Variants in MYO15A observed in about 807,000 individuals in gnomAD.
The protein encoded by MYO15A is unconventional myosin-XV.
MYO15A carries 308 observed loss-of-function variants against 394.6 expected under a neutral mutation model. That is an observed-to-expected ratio of 0.78 (90% CI 0.71 to 0.86). MYO15A has a LOEUF of 0.86. Among genes scored for constraint, MYO15A ranks in the 40% least tolerant of loss-of-function variants. The pLI, the probability that MYO15A is intolerant of heterozygous loss-of-function variation, is 0.00. For synonymous variants in MYO15A, 1,957 were observed against 2,003.8 expected (o/e 0.98, Z 0.62); for missense variants, 4,606 against 4,799.1 (o/e 0.96, Z 1.19).
chr17:18,148,270 C>T lies in MYO15A; in HGVS notation c.6691+60C>T, dbSNP rs961331242. ...GGGAGTCAGCAGGGCCCAGTGAGCC[C>T]CGGGGATGGCAGAAGCCACTGGATG... On this transcript the variant is annotated intron_variant, in intron 31 of 65. Transcript: ENST00000647165. This position sits in a 1 kb window ranked among gnomAD's most constrained non-coding sequence, Gnocchi z 4.8. The T allele has an allele frequency of 2.5e-6, 4 of 1,601,314 alleles. No individual in the cohort carries two copies. The highest frequency in any genetic ancestry group is 2.7e-5 in the African/African-American group (2 of 74,534).
At chr17:18,164,968 C>A (rs1166809976) in intron 60 of MYO15A, 1 of 150,878 alleles carries the variant, frequency 6.6e-6, no homozygotes, top group East Asian at 2.0e-4. Context: ...GGAGAAACCA[C>A]ATCTCCACTA....
At chr17:18,139,653 T>C (rs1339980466) in intron 19 of MYO15A, 42 bp downstream of exon 19, 3 of 1,606,644 alleles carry the variant, frequency 1.9e-6, no homozygotes, top group Admixed American at 1.7e-5. Flanking sequence ...CCCCCAGGCA[T>C]GTCCCCACCC....
intron 62 of MYO15A, among the ~76,000 whole-genome samples, chr17:18,170,886 G>T (rs2046930183): frequency 6.6e-6 from 1 of 152,184 alleles, no homozygotes; most frequent in Admixed American, 6.5e-5. Context: ...AGACTAGCCA[G>T]CTAATGGTGG....
rs746579140 is a variant in MYO15A, at chr17:18,171,688, G to T, written c.10133G>T (p.Gly3378Val). Residue 3378 changes from glycine (G) to valine (V), a missense_variant, in exon 63 of 66, where the codon GGC (glycine) becomes GTC (valine). By Grantham distance (109) the Gly-to-Val change is moderately radical (BLOSUM62 -3). Coordinates refer to ENST00000647165, the MANE Select transcript of MYO15A (RefSeq NM_016239.4). The part of the protein sequence containing the change: ...IPAQLYRTTA[G>V]STWLNLVSQH... ...GCCCAGCTCTACCGTACAACGGCAG[G>T]CTCGACCTGGCTCAACCTGGTCAGC... The T allele has an allele frequency of 6.2e-6, 10 of 1,613,260 alleles. No homozygotes were observed. In the Middle Eastern group the frequency reaches 6.6e-4, roughly 106 times the overall value.
chr17:18,161,771 G>A (rs1029510677), intron 57 of MYO15A, among the ~76,000 whole-genome samples: 2 of 152,150 alleles, frequency 1.3e-5, no homozygotes, highest in African/African-American at 2.4e-5. Flanking sequence ...AGAAGGAGGT[G>A]GGCAAGAATC....
At chr17:18,134,135 G>T (rs1054533376) in intron 12 of MYO15A, among the ~76,000 whole-genome samples, 4 of 151,830 alleles carry the variant, frequency 2.6e-5, no homozygotes, top group Non-Finnish European at 5.9e-5. Flanking sequence ...GACTACAGGT[G>T]TGTGCCACCA....
In MYO15A at chr17:18,148,048, C is replaced by T. The variant is rs755861076; in HGVS notation, c.6529C>T (p.Arg2177Trp). The T allele has an allele frequency of 2.2e-5, 35 of 1,613,996 alleles. No homozygotes were observed. Among genetic ancestry groups the T allele is most frequent in the Non-Finnish European group, 2.5e-5 (29 of 1,180,032 alleles). ...CATCAGGTTTGTGTCTGATTATGGG[C>T]GGAATGGCTTCCAGGCTGTGTGTCA... The part of the protein sequence containing the change: ...YLLKFVSDYG[R>W]NGFQAVCQHR... The change falls in exon 31 of 66, where the codon CGG becomes TGG. Residue 2177 changes from arginine to tryptophan, a missense_variant. By Grantham distance (101) the Arg-to-Trp change is moderately radical. Transcript: ENST00000647165. The surrounding 1 kb of genome is among the most constrained non-coding windows in gnomAD (Gnocchi z 4.8).
chr17:18,164,322 A>G (rs2046818963), intron 60 of MYO15A: 1 of 218,772 alleles, frequency 4.6e-6, no homozygotes, highest in South Asian at 6.3e-5. Flanking sequence ...AGCCCCTTCC[A>G]TCTGCTGACT....
intron 30 of MYO15A, among the ~76,000 whole-genome samples, chr17:18,146,755 T>C (rs2046488182): frequency 6.6e-6 from 1 of 152,142 alleles, no homozygotes; most frequent in South Asian, 2.1e-4. Context: ...TGAGACCTTG[T>C]CTCTGCAAAA....
At chr17:18,154,220 G>A (rs1448745294) in intron 44 of MYO15A, 30 bp downstream of exon 44, 1 of 1,612,492 alleles carries the variant, frequency 6.2e-7, no homozygotes, top group African/African-American at 1.3e-5. Flanking sequence ...TTCTGCCTCA[G>A]TGAACTCAGC....
intron 1 of MYO15A, among the ~76,000 whole-genome samples, chr17:18,118,119 GC>G (rs2045816355): frequency 6.6e-6 from 1 of 151,928 alleles, no homozygotes; most frequent in Non-Finnish European, 1.5e-5. Flanking sequence ...TCCTTGCCCT[GC>G]CTTCTGAGCC....
rs1317697014 is a variant in MYO15A at position 18,121,326 on chromosome 17, C to A, written c.2526C>A (p.Gly842=). 2.2e-6 allele frequency: 3 copies of A among 1,367,108 alleles called. No homozygotes were observed. The highest frequency in any genetic ancestry group is 1.9e-6 in the Non-Finnish European group (2 of 1,065,962). 84.7% of individuals were successfully genotyped at this position (1,367,108 alleles called of 1,614,324 possible). Residue 842 remains glycine (G), a synonymous_variant, in exon 2 of 66, where the codon GGC becomes GGA. Transcript: ENST00000647165. The surrounding 1 kb of genome is among the most constrained non-coding windows in gnomAD (Gnocchi z 5.3). Reference sequence around the variant, plus strand: ...GCCCACCCGGCTCGCCGCTGCCGGGCTCACCCAGGCCGCCCTCGCCGCCCC... The same window carrying A: ...GCCCACCCGGCTCGCCGCTGCCGGGATCACCCAGGCCGCCCTCGCCGCCCC... The part of the protein sequence containing the change: ...RLGPPGSPLP[G]SPRPPSPPLG...
Position 18,120,893 on chromosome 17 carries a change from G to C in MYO15A, c.2093G>C (p.Arg698Pro). ...PRPASPYGSL[R>P]RHPPPWAAPA... The stretch of plus-strand genomic sequence containing the variant: ...CCGGCCTCGCCCTACGGCTCCCTCC[G>C]CCGCCACCCGCCGCCCTGGGCCGCC... Residue 698 changes from arginine (R) to proline (P), a missense_variant, in exon 2 of 66, where the codon CGC (arginine) becomes CCC (proline). Around this residue, in one of 2 missense-constraint regions of MYO15A, gnomAD observed 1,830 missense variants for 1,689.7 expected, o/e 1.08. Coordinates refer to ENST00000647165, the MANE Select transcript of MYO15A (RefSeq NM_016239.4). 7.2e-7 allele frequency: 1 copy of C among 1,382,660 alleles called. No individual in the cohort carries two copies. Among genetic ancestry groups the C allele is most frequent in the Non-Finnish European group, 9.3e-7 (1 of 1,070,140 alleles). 85.6% of individuals were successfully genotyped at this position (1,382,660 alleles called of 1,614,324 possible).
chr17:18,113,840 A>T (rs1050735618), intron 1 of MYO15A, among the ~76,000 whole-genome samples: 83 of 141,170 alleles, frequency 5.9e-4, no homozygotes, highest in Non-Finnish European at 1.1e-3. Context: ...ACACACACAC[A>T]CTCTTCCTAC....
chr17:18,139,539 C>A lies in MYO15A; in HGVS notation c.5139C>A (p.His1713Gln). 6.2e-7 allele frequency: 1 copy of A among 1,613,972 alleles called. No individual in the cohort carries two copies. Among genetic ancestry groups the A allele is most frequent in the East Asian group, 2.2e-5 (1 of 44,882 alleles). ...HYAGKVTYQVHKFLDKNHDQV... is the reference protein window; with the variant it reads ...HYAGKVTYQVQKFLDKNHDQV... ...GCCATTGTTCCCCTTTTCAGGTGCA[C>A]AAGTTCCTGGACAAGAACCACGACC... The change falls in exon 19 of 66, where the codon CAC (histidine) becomes CAA (glutamine). Residue 1713 changes from histidine (H) to glutamine (Q), a missense_variant. His to Gln is a conservative substitution (Grantham distance 24, BLOSUM62 0). This residue lies in a region of MYO15A where 2,776 missense variants were observed against 3,109.3 expected (regional missense o/e 0.89). Transcript: ENST00000647165.
At position 18,120,829 on chromosome 17, in the gene MYO15A, G is replaced by T; in HGVS notation, c.2029G>T (p.Ala677Ser). The change falls in exon 2 of 66, where the codon GCG becomes TCG. Residue 677 changes from alanine (A) to serine (S), a missense_variant. Physicochemically the swap from Ala to Ser is moderately conservative, Grantham distance 99. Around this residue, in one of 2 missense-constraint regions of MYO15A, gnomAD observed 1,830 missense variants for 1,689.7 expected, o/e 1.08. Coordinates refer to ENST00000647165, the MANE Select transcript of MYO15A (RefSeq NM_016239.4). Reference protein sequence around the residue: ...PRPPSSGPPPAPPLSPALSGL... With the variant: ...PRPPSSGPPPSPPLSPALSGL... ...GCCCCCAAGCTCCGGGCCCCCGCCC[G>T]CGCCGCCGCTCTCCCCGGCGCTCTC... The T allele has an allele frequency of 8.5e-7, 1 of 1,173,128 alleles. No homozygotes were observed. 72.7% of individuals were successfully genotyped at this position (1,173,128 alleles called of 1,614,324 possible).
chr17:18,124,920 T>G, intron 3 of MYO15A: 1 of 597,796 alleles, frequency 1.7e-6, no homozygotes, highest in East Asian at 2.8e-5. Flanking sequence ...CTAATCACAG[T>G]GATTACGTAA....
At chr17:18,168,478 G>T (rs368911507) in intron 62 of MYO15A, among the ~76,000 whole-genome samples, 70 of 151,764 alleles carry the variant, frequency 4.6e-4, no homozygotes, top group African/African-American at 1.7e-3. Flanking sequence ...GCAGGAGAAT[G>T]ACGTGAACCC....
At position 18,126,349 on chromosome 17, in the gene MYO15A, A is replaced by C; in HGVS notation, c.3759A>C (p.Thr1253=). Residue 1253 remains threonine (T), a splice_region_variant and synonymous_variant, in exon 5 of 66, where the codon ACA becomes ACC. Coordinates refer to ENST00000647165, the MANE Select transcript of MYO15A (RefSeq NM_016239.4). ...KIRFERNLIY[T]YIGSILVSVN... ...TGAGGCCACCGTCTGCCCAGCAGACATACATTGGGAGCATCCTGGTGTCGG... is the reference window on the plus strand; with the variant it reads ...TGAGGCCACCGTCTGCCCAGCAGACCTACATTGGGAGCATCCTGGTGTCGG... 6.2e-7 allele frequency: 1 copy of C among 1,613,740 alleles called. No homozygotes were observed. Among genetic ancestry groups the C allele is most frequent in the Non-Finnish European group, 8.5e-7 (1 of 1,179,766 alleles).
Sources: allele counts gnomAD v4.1 joint callset (sites outside exome capture counted in the v4.1 genomes callset), GRCh38; gene constraint gnomAD v4.1.1; regional missense constraint gnomAD v4.1.1; non-coding constraint Gnocchi (gnomAD v3.1); transcripts MANE v1.5; gene names NCBI Gene and HGNC (gene_info 2026-07-23, HGNC 2026-07-21).